CAST: variants seen among roughly 807,000 people sequenced by gnomAD.
The protein encoded by CAST is MIR583 host.
In CAST, 76 loss-of-function variants were observed where a neutral mutation model predicts 119.6. That is an observed-to-expected ratio of 0.64 (90% CI 0.53 to 0.77). The LOEUF (loss-of-function observed/expected upper bound fraction) is 0.77, where lower values mean the gene tolerates loss of function less well. Ranked by LOEUF, CAST falls within the 30% of genes least tolerant of loss-of-function variation. The probability of loss-of-function intolerance (pLI) is 0.00; values close to 1 mark genes in which losing one functional copy is unlikely to be tolerated. For missense variants in CAST, 953 were observed against 946.5 expected (o/e 1.01, Z -0.09); for synonymous variants, 319 against 331.6 (o/e 0.96, Z 0.41).
chr5:96,472,679 T>C, the CAST span, among the ~76,000 whole-genome samples: 30 of 152,308 alleles, frequency 2.0e-4, no homozygotes, highest in South Asian at 6.0e-3. Flanking sequence ...AGCTCTGATC[T>C]ACCCCATGTA....
chr5:96,579,409 G>T (rs1746732137), intron 1 of CAST, among the ~76,000 whole-genome samples: 1 of 152,188 alleles, frequency 6.6e-6, no homozygotes, highest in Non-Finnish European at 1.5e-5. Context: ...AAAGGGGAGT[G>T]CTTCCCAGAC....
At chr5:96,458,412 T>G in the CAST span, among the ~76,000 whole-genome samples, 1 of 152,276 alleles carries the variant, frequency 6.6e-6, no homozygotes, top group Middle Eastern at 3.4e-3. Flanking sequence ...TACTACACTT[T>G]GAGATTTCAT....
intron 1 of CAST, among the ~76,000 whole-genome samples, chr5:96,555,203 C>T (rs908819357): frequency 6.6e-6 from 1 of 152,192 alleles, no homozygotes; most frequent in Non-Finnish European, 1.5e-5. Flanking sequence ...ACATATACAC[C>T]ATGGAGTACT....
chr5:96,197,467 A>G, the CAST span, among the ~76,000 whole-genome samples: 1 of 152,146 alleles, frequency 6.6e-6, no homozygotes, highest in Non-Finnish European at 1.5e-5. Flanking sequence ...AAGTTATTTT[A>G]CCCAAGGAAG....
At position 96,742,733 on chromosome 5, in the gene CAST, C is replaced by T. The variant is rs377565522; in HGVS notation, c.1177C>T (p.Arg393Cys). The change falls in exon 16 of 32, where the codon CGC becomes TGC. Residue 393 changes from arginine to cysteine, a missense_variant. Arg to Cys is a radical substitution (Grantham distance 180, BLOSUM62 -3). Coordinates refer to ENST00000675179, the MANE Select transcript of CAST (RefSeq NM_001750.7). ...TRQAEPELDL[R>C]SIKEVDEAKA... ...GCAAGCAGAACCTGAGCTCGACCTC[C>T]GCTCAATTAAGGAAGTCGATGAGGT... 157 of 1,613,550 alleles carry T rather than the reference C, an allele frequency of 9.7e-5. 1 individual carries two copies. The highest frequency in any genetic ancestry group is 7.6e-4 in the South Asian group (69 of 91,074).
chr5:96,652,826 G>C (rs1420353509), intron 1 of CAST, among the ~76,000 whole-genome samples: 1 of 152,216 alleles, frequency 6.6e-6, no homozygotes, highest in African/African-American at 2.4e-5. Context: ...CCAACAGTCA[G>C]AGGCTGACTA....
intron 5 of CAST, 62 bp from the exon 6 acceptor site, chr5:96,727,427 G>A: frequency 5.7e-6 from 5 of 877,886 alleles, no homozygotes; most frequent in Non-Finnish European, 8.8e-6. Context: ...GATAGTCTTT[G>A]TAAACTATGT....
the CAST span, among the ~76,000 whole-genome samples, chr5:96,111,922 C>T: frequency 6.6e-6 from 1 of 151,958 alleles, no homozygotes; most frequent in African/African-American, 2.4e-5. Flanking sequence ...GCTGGGGTTA[C>T]AAGCATGAGC....
chr5:96,302,176 G>A, the CAST span, among the ~76,000 whole-genome samples: 1 of 152,176 alleles, frequency 6.6e-6, no homozygotes, highest in African/African-American at 2.4e-5. Flanking sequence ...TGGAGCAGTG[G>A]CCTGAGATGT....
At chr5:96,666,768 A>T (rs2150226821) in intron 1 of CAST, among the ~76,000 whole-genome samples, 1 of 152,292 alleles carries the variant, frequency 6.6e-6, no homozygotes, top group African/African-American at 2.4e-5. Flanking sequence ...ACTTCCCAGA[A>T]GGTTAATTAT....
Position 96,722,934 on chromosome 5 carries a change from G to GTTGTT in CAST, c.270+260_270+264dup, listed in dbSNP as rs199768677. Reference sequence around the variant, plus strand: ...ATCTAGAAAAGTAGAGTCACCTAGAGTTGTTTTGTTTTGTTTTGTTTTGTT... The same window carrying GTTGTT: ...ATCTAGAAAAGTAGAGTCACCTAGAGTTGTTTTGTTTTGTTTTGTTTTGTTTTGTT... On this transcript the variant is annotated intron_variant, in intron 4 of 31. Transcript: ENST00000675179. 0.062 allele frequency among the ~76,000 whole-genome samples: 9,489 copies of GTTGTT among 151,844 alleles called. 566 individuals carry two copies. Among genetic ancestry groups the GTTGTT allele is most frequent in the East Asian group, 0.19 (955 of 5,104 alleles).
chr5:96,458,115 G>A, the CAST span, among the ~76,000 whole-genome samples: 2,008 of 152,050 alleles, frequency 0.013, 52 homozygotes, highest in African/African-American at 0.047. Context: ...ACCTATTTTT[G>A]TATAGCCACA....
At chr5:96,745,544 A>G (rs1354095269) in intron 16 of CAST, among the ~76,000 whole-genome samples, 1 of 152,222 alleles carries the variant, frequency 6.6e-6, no homozygotes, top group East Asian at 1.9e-4. Context: ...GAATATGCCA[A>G]GTGAACCTCC....
At chr5:95,970,935 A>T in the CAST span, among the ~76,000 whole-genome samples, 1 of 152,210 alleles carries the variant, frequency 6.6e-6, no homozygotes, top group Non-Finnish European at 1.5e-5. Flanking sequence ...GTATAATTTG[A>T]TTTACCTGCA....
the CAST span, chr5:96,393,447 AC>A: frequency 6.3e-7 from 1 of 1,575,070 alleles, no homozygotes; most frequent in Admixed American, 1.7e-5. Context: ...GCTAGTTGCA[AC>A]CCTACCACAG....
At chr5:96,129,907 T>G in the CAST span, among the ~76,000 whole-genome samples, 1 of 152,014 alleles carries the variant, frequency 6.6e-6, no homozygotes, top group Non-Finnish European at 1.5e-5. Flanking sequence ...CAGAGTGTGG[T>G]ATTTTGAGGC....
chr5:96,166,360 T>C, the CAST span, among the ~76,000 whole-genome samples: 172 of 152,242 alleles, frequency 1.1e-3, no homozygotes, highest in African/African-American at 3.8e-3. Context: ...TAACAACAGG[T>C]TTGCAAAATT....
At chr5:96,271,116 G>C in the CAST span, among the ~76,000 whole-genome samples, 1 of 152,202 alleles carries the variant, frequency 6.6e-6, no homozygotes, top group South Asian at 2.1e-4. Flanking sequence ...ATAAAACACT[G>C]ATTAAAGAAA....
the CAST span, among the ~76,000 whole-genome samples, chr5:96,383,580 G>T: frequency 6.6e-6 from 1 of 152,122 alleles, no homozygotes; most frequent in Non-Finnish European, 1.5e-5. Flanking sequence ...CGAGTAGCTG[G>T]GACTACAGGC....
Sources: gnomAD v4.1 joint callset for allele counts (sites outside exome capture counted in the v4.1 genomes callset) on GRCh38, gnomAD v4.1.1 for gene constraint, MANE v1.5 for transcripts, NCBI Gene and HGNC (gene_info 2026-07-23, HGNC 2026-07-21) for gene names.